The following TRPS1 variants were observed in gnomAD, a reference collection of about 807,000 sequenced individuals.
The protein encoded by TRPS1 is transcriptional repressor GATA binding 1.
A neutral mutation model predicts 101.2 loss-of-function variants in TRPS1; 6 were observed. The ratio of observed to expected loss-of-function variants is 0.06; its 90% CI spans 0.03 to 0.12. TRPS1 has a LOEUF of 0.12. TRPS1 is among the 10% of genes least tolerant of loss of function. The pLI is 1.00. For synonymous variants in TRPS1, 578 were observed against 589.8 expected, an observed-to-expected ratio of 0.98 and a Z score of 0.29; for missense variants, 1,363 against 1,567.0, an observed-to-expected ratio of 0.87 and a Z score of 2.20.
intron 5 of TRPS1, among the ~76,000 whole-genome samples, chr8:115,557,138 G>A (rs1056425441): frequency 2.6e-5 from 4 of 152,042 alleles, no homozygotes; most frequent in African/African-American, 7.2e-5. Flanking sequence ...ACCTGATCTC[G>A]TGAGACTTAC....
In TRPS1 at chr8:115,413,116, T is replaced by A. The variant is rs999882298; in HGVS notation, c.*907A>T. On this transcript the variant is annotated 3_prime_UTR_variant, in exon 7 of 7. Coordinates refer to ENST00000395715, the MANE Select transcript of TRPS1 (RefSeq NM_014112.5). ...ATTTGTATCCATCTATGCTTTTGAA[T>A]TGAGGGGATTCCTTTAGTTATAATG... is the stretch of plus-strand genomic sequence containing the variant. 1 of 152,160 alleles carries A rather than the reference T, an allele frequency of 6.6e-6. No individual in the cohort carries two copies. Among genetic ancestry groups the A allele is most frequent in the Non-Finnish European group, 1.5e-5 (1 of 68,012 alleles). 9.4% of individuals were successfully genotyped at this position (152,160 alleles called of 1,614,324 possible).
intron 5 of TRPS1, among the ~76,000 whole-genome samples, chr8:115,585,839 A>G (rs1334826490): frequency 6.6e-6 from 1 of 152,170 alleles, no homozygotes; most frequent in East Asian, 1.9e-4. Flanking sequence ...GCTCCAGGGC[A>G]TGACTACAGA....
At chr8:115,507,145 T>C (rs368343536) in intron 5 of TRPS1, among the ~76,000 whole-genome samples, 1 of 152,044 alleles carries the variant, frequency 6.6e-6, no homozygotes, top group Non-Finnish European at 1.5e-5. Context: ...AGCTCCAAGG[T>C]TGAGCTAAAG....
chr8:115,505,438 A>G (rs1815418095), intron 5 of TRPS1, among the ~76,000 whole-genome samples: 1 of 151,948 alleles, frequency 6.6e-6, no homozygotes, highest in South Asian at 2.1e-4. Flanking sequence ...ATGCGCTAAA[A>G]TTTTTTCATG....
At chr8:115,571,663 T>A (rs1482498018) in intron 5 of TRPS1, among the ~76,000 whole-genome samples, 1 of 152,146 alleles carries the variant, frequency 6.6e-6, no homozygotes, top group Non-Finnish European at 1.5e-5. Context: ...TCTTTTTTCC[T>A]CAATTATAAA....
intron 1 of TRPS1, among the ~76,000 whole-genome samples, chr8:115,649,371 C>T (rs1811508286): frequency 6.6e-6 from 1 of 152,180 alleles, no homozygotes; most frequent in Admixed American, 6.5e-5. Flanking sequence ...GGAGCCTCAG[C>T]TCTTAGGGCC....
intron 5 of TRPS1, among the ~76,000 whole-genome samples, chr8:115,427,989 A>G (rs573974848): frequency 1.3e-5 from 2 of 152,316 alleles, no homozygotes; most frequent in South Asian, 2.1e-4. Flanking sequence ...CGCCTGCTAC[A>G]TGGGAGGTTA....
At chr8:115,575,022 A>G (rs1817284553) in intron 5 of TRPS1, among the ~76,000 whole-genome samples, 1 of 152,146 alleles carries the variant, frequency 6.6e-6, no homozygotes, top group Non-Finnish European at 1.5e-5. Flanking sequence ...AGGAGTCTAT[A>G]TACATGATCT....
chr8:115,536,079 C>A (rs1304785544), intron 5 of TRPS1, among the ~76,000 whole-genome samples: 1 of 151,938 alleles, frequency 6.6e-6, no homozygotes, highest in Non-Finnish European at 1.5e-5. Flanking sequence ...ATGAGCCAAT[C>A]AATGTAAAGC....
At chr8:115,572,450 A>AT (rs33922136) in intron 5 of TRPS1, among the ~76,000 whole-genome samples, 28 of 151,056 alleles carry the variant, frequency 1.9e-4, no homozygotes, top group Admixed American at 5.9e-4. Context: ...ACATTTTGCT[A>AT]TTTTTTTTTT....
At position 115,623,569 on chromosome 8, in the gene TRPS1, A is replaced by C. The variant is rs139463187; in HGVS notation, c.37+32T>G. ...CTGTGTGCCAAGAACTTTTCCAGTTAACATTTTCACTTGAAAAAATAGATC... is the reference window on the plus strand; with the variant it reads ...CTGTGTGCCAAGAACTTTTCCAGTTCACATTTTCACTTGAAAAAATAGATC... On this transcript the variant is annotated intron_variant, in intron 2 of 6. Transcript: ENST00000395715. 201 of 1,609,934 alleles carry C rather than the reference A, an allele frequency of 1.2e-4. 3 individuals are homozygous for C. In the Middle Eastern group the frequency reaches 4.5e-3, roughly 36 times the overall value.
rs145649446 is a variant in TRPS1, at chr8:115,561,734, T to C, written c.2700+25267A>G. On this transcript the variant is annotated intron_variant, in intron 5 of 6. Coordinates refer to ENST00000395715, the MANE Select transcript of TRPS1 (RefSeq NM_014112.5). The stretch of plus-strand genomic sequence containing the variant: ...CCAGTCATGCACAGCTACGAATGCA[T>C]GCAAGAAAAATGCAAGAAAAAGTAC... Among the ~76,000 whole-genome samples, 10 of 152,018 alleles carry C rather than the reference T, an allele frequency of 6.6e-5. No individual in the cohort carries two copies. In the East Asian group the frequency reaches 1.6e-3, roughly 24 times the overall value.
chr8:115,581,911 T>G (rs2178949), intron 5 of TRPS1, among the ~76,000 whole-genome samples: 105,714 of 152,026 alleles, frequency 0.7, 38,161 homozygotes, highest in African/African-American at 0.89. Context: ...AGCAGAGACA[T>G]GTACAAGGAT....
chr8:115,645,637 C>T (rs747288412), intron 1 of TRPS1, among the ~76,000 whole-genome samples: 24 of 152,084 alleles, frequency 1.6e-4, no homozygotes, highest in East Asian at 7.7e-4. Context: ...AAAGTTACTA[C>T]AAGAGGAAAT....
At chr8:115,588,907 T>C (rs1022495007) in intron 4 of TRPS1, among the ~76,000 whole-genome samples, 13 of 152,310 alleles carry the variant, frequency 8.5e-5, no homozygotes, top group African/African-American at 2.9e-4. Flanking sequence ...ACCTGCTGCT[T>C]AGAGTCTCGT....
chr8:115,549,352 A>G (rs984293270), intron 5 of TRPS1, among the ~76,000 whole-genome samples: 1 of 152,238 alleles, frequency 6.6e-6, no homozygotes, highest in Admixed American at 6.5e-5. Context: ...AACAAGAGTC[A>G]ATATCAATTA....
At chr8:115,587,749 T>C (rs967067883) in intron 4 of TRPS1, 145 bp from the exon 5 acceptor site, 1 of 1,387,768 alleles carries the variant, frequency 7.2e-7, no homozygotes, top group Non-Finnish European at 9.9e-7. Flanking sequence ...ACCCCAAAAC[T>C]GGAATGTAAT....
intron 1 of TRPS1, among the ~76,000 whole-genome samples, chr8:115,659,309 C>A (rs528837430): frequency 6.6e-6 from 1 of 151,910 alleles, no homozygotes; most frequent in Non-Finnish European, 1.5e-5. Context: ...AACTGAGGAG[C>A]AAATTTTGCA....
intron 5 of TRPS1, among the ~76,000 whole-genome samples, chr8:115,438,828 C>T (rs1161377144): frequency 6.6e-6 from 1 of 152,094 alleles, no homozygotes; most frequent in African/African-American, 2.4e-5. Context: ...TTACAGACTG[C>T]CTAAGTTCCA....
Sources: allele counts gnomAD v4.1 joint callset (sites outside exome capture counted in the v4.1 genomes callset), GRCh38; gene constraint gnomAD v4.1.1; transcripts MANE v1.5; gene names NCBI Gene and HGNC (gene_info 2026-07-23, HGNC 2026-07-21).